Variants in ADGRE2 observed in about 807,000 individuals in gnomAD.
ADGRE2 encodes adhesion G protein-coupled receptor E2.
In ADGRE2, 83 loss-of-function variants were observed where a neutral mutation model predicts 100.8. That is an observed-to-expected ratio of 0.82 (90% CI 0.69 to 0.99). ADGRE2 has a LOEUF of 0.99. ADGRE2 is among the 50% of genes least tolerant of loss of function. The probability of loss-of-function intolerance (pLI) is 0.00; values close to 1 mark genes in which losing one functional copy is unlikely to be tolerated. For synonymous variants in ADGRE2, 355 were observed against 413.0 expected (o/e 0.86, Z 1.70); for missense variants, 814 against 1,035.7 (o/e 0.79, Z 2.94).
intron 11 of ADGRE2, among the ~76,000 whole-genome samples, chr19:14,760,886 G>A (rs2043694195): frequency 6.6e-6 from 1 of 152,126 alleles, no homozygotes. Context: ...TCATCTGGAT[G>A]ATACAACTTC....
At chr19:14,765,081 G>A (rs2043904744) in intron 10 of ADGRE2, among the ~76,000 whole-genome samples, 1 of 152,182 alleles carries the variant, frequency 6.6e-6, no homozygotes, top group African/African-American at 2.4e-5. Context: ...CCCCTCAGAG[G>A]CCAACACTTC....
chr19:14,765,542 G>A lies in ADGRE2; in HGVS notation c.810C>T (p.Pro270=). The A allele has an allele frequency of 6.2e-7, 1 of 1,614,234 alleles. No individual in the cohort carries two copies. The highest frequency in any genetic ancestry group is 8.5e-7 in the Non-Finnish European group (1 of 1,180,016). Residue 270 remains proline, a synonymous_variant, in exon 9 of 21, where the codon CCC becomes CCT. Transcript: ENST00000315576. ...CACTCACCTGGCTGTGGACTCCAGG[G>A]GGCGGGGTCCAGGTGGAGAAAGTCA... ...EDMTFSTWTP[P]PGVHSQTLSR... is the part of the protein sequence containing the mutation.
intron 14 of ADGRE2, among the ~76,000 whole-genome samples, chr19:14,754,071 A>G (rs2147257508): frequency 6.6e-6 from 1 of 151,320 alleles, no homozygotes; most frequent in South Asian, 2.1e-4. Context: ...GCTAGAATAT[A>G]AGCAGGCAGA....
At chr19:14,775,105 C>A (rs1018671541) in intron 2 of ADGRE2, among the ~76,000 whole-genome samples, 1 of 151,850 alleles carries the variant, frequency 6.6e-6, no homozygotes, top group Non-Finnish European at 1.5e-5. Flanking sequence ...TGGGTTCAAG[C>A]GGTTCTCCTG....
chr19:14,754,940 C>G lies in ADGRE2; in HGVS notation c.1590+14G>C. 3 of 1,612,620 alleles carry G rather than the reference C, an allele frequency of 1.9e-6. No individual in the cohort carries two copies. The highest frequency in any genetic ancestry group is 2.5e-6 in the Non-Finnish European group (3 of 1,179,324). ...GCAATAAATGCAGAGTGCATCCCCT[C>G]CTAAGGGTCTCACCTGCACATCGTA... On this transcript the variant is annotated intron_variant, in intron 14 of 20. Transcript: ENST00000315576.
chr19:14,769,504 C>T (rs745606566), intron 5 of ADGRE2, among the ~76,000 whole-genome samples: 10 of 152,012 alleles, frequency 6.6e-5, no homozygotes, highest in Non-Finnish European at 1.5e-5. Context: ...CAGACAGGGC[C>T]CCACGGAGCC....
intron 20 of ADGRE2, among the ~76,000 whole-genome samples, chr19:14,738,808 G>T (rs1166232229): frequency 6.6e-6 from 1 of 152,066 alleles, no homozygotes; most frequent in East Asian, 1.9e-4. Flanking sequence ...AGTATTTAAT[G>T]CATAATTAAT....
chr19:14,729,412 G>A (rs574974875), downstream of ADGRE2, among the ~76,000 whole-genome samples: 1 of 152,064 alleles, frequency 6.6e-6, no homozygotes, highest in South Asian at 2.1e-4. Context: ...AGGTTGGAGT[G>A]CAGTGGTGTG....
At chr19:14,749,793 T>C (rs1425276412) in intron 16 of ADGRE2, among the ~76,000 whole-genome samples, 1 of 73,398 alleles carries the variant, frequency 1.4e-5, no homozygotes, top group Non-Finnish European at 2.3e-5. Context: ...GTTACATAAT[T>C]ATTTATAGCT....
At chr19:14,746,748 A>T in intron 17 of ADGRE2, 148 bp downstream of exon 17, 1 of 657,430 alleles carries the variant, frequency 1.5e-6, no homozygotes, top group Non-Finnish European at 2.7e-6. Flanking sequence ...AACAGTGTTG[A>T]GTTTGAAGAT....
In ADGRE2 at chr19:14,755,806, C is replaced by T. The variant is rs2043482458; in HGVS notation, c.1264G>A (p.Glu422Lys). 1 of 1,614,186 alleles carries T rather than the reference C, an allele frequency of 6.2e-7. No individual in the cohort carries two copies. Among genetic ancestry groups the T allele is most frequent in the Non-Finnish European group, 8.5e-7 (1 of 1,180,040 alleles). Reference sequence around the variant, plus strand: ...TGCAGAAGCATCTGCTTCTCAGGTTCCAGGACCAGAGGGGCCTCAGCCAGC... The same window carrying T: ...TGCAGAAGCATCTGCTTCTCAGGTTTCAGGACCAGAGGGGCCTCAGCCAGC... Reference protein sequence around the residue: ...KLLAEAPLVLEPEKQMLLHET... With the variant: ...KLLAEAPLVLKPEKQMLLHET... Residue 422 changes from glutamate to lysine, a missense_variant, in exon 13 of 21, where the codon GAA (glutamate) becomes AAA (lysine). Glu to Lys is a moderately conservative substitution (Grantham distance 56). Around this residue, in one of 5 missense-constraint regions of ADGRE2, gnomAD observed 569 missense variants for 692.7 expected, o/e 0.82. Transcript: ENST00000315576.
chr19:14,772,631 A>C (rs1312370827), intron 4 of ADGRE2, 134 bp from the exon 5 acceptor site: 2 of 1,045,882 alleles, frequency 1.9e-6, no homozygotes, highest in African/African-American at 1.6e-5. Flanking sequence ...TGCACTGCAC[A>C]GGCTATGCTG....
At chr19:14,736,786 GTATAGATATTTAGAAATA>G (rs1175763227) in intron 20 of ADGRE2, among the ~76,000 whole-genome samples, 60 of 120,740 alleles carry the variant, frequency 5.0e-4, no homozygotes, top group South Asian at 3.5e-3. Flanking sequence ...ATATTTAGAA[GTATAGATATTTAGAAATA>G]TATAGATATT....
At chr19:14,747,182 C>T (rs1568586337) in intron 16 of ADGRE2, among the ~76,000 whole-genome samples, 1 of 152,088 alleles carries the variant, frequency 6.6e-6, no homozygotes, top group Non-Finnish European at 1.5e-5. Context: ...AAGGAAGATA[C>T]ACACAATCAG....
Position 14,746,334 on chromosome 19 carries a change from C to A in ADGRE2, c.2092-11G>T. On this transcript the variant is annotated splice_polypyrimidine_tract_variant and intron_variant, in intron 17 of 20. Transcript: ENST00000315576. ...GAGAACTAAATTCACCTTCAGAAAA[C>A]CACAGAAGATTTGTTGAATAGATTT... 1.3e-6 allele frequency: 2 copies of A among 1,496,762 alleles called. No homozygotes were observed. The highest frequency in any genetic ancestry group is 1.8e-6 in the Non-Finnish European group (2 of 1,082,292). The allele number at this position is 1,496,762 out of a possible 1,614,324, so 92.7% of individuals were successfully genotyped here. A position where few individuals can be genotyped will look rare whatever the true frequency, so the allele number is the denominator to read the frequency against.
intron 12 of ADGRE2, 101 bp downstream of exon 12, chr19:14,756,137 C>T: frequency 2.0e-6 from 2 of 982,532 alleles, no homozygotes; most frequent in Non-Finnish European, 3.2e-6. Context: ...TCCAAACATC[C>T]CACACTTCCC....
chr19:14,740,958 A>T (rs2042910460), intron 20 of ADGRE2, among the ~76,000 whole-genome samples: 1 of 152,074 alleles, frequency 6.6e-6, no homozygotes, highest in African/African-American at 2.4e-5. Context: ...GTTGGTCTCC[A>T]ACTCCTGGGC....
intron 20 of ADGRE2, among the ~76,000 whole-genome samples, chr19:14,736,478 C>T (rs2042747953): frequency 6.6e-6 from 1 of 151,892 alleles, no homozygotes; most frequent in Non-Finnish European, 1.5e-5. Flanking sequence ...CCAGGCTGGC[C>T]TTGAACTCCT....
At chr19:14,745,597 C>G (rs531372799) in intron 18 of ADGRE2, among the ~76,000 whole-genome samples, 2 of 152,202 alleles carry the variant, frequency 1.3e-5, no homozygotes, top group Admixed American at 1.3e-4. Flanking sequence ...ATCTATCATT[C>G]TACTTTATTT....
Sources: allele counts gnomAD v4.1 joint callset (sites outside exome capture counted in the v4.1 genomes callset), GRCh38; gene constraint gnomAD v4.1.1; regional missense constraint gnomAD v4.1.1; transcripts MANE v1.5; gene names NCBI Gene and HGNC (gene_info 2026-07-23, HGNC 2026-07-21).